The following HMCN1 variants were observed in gnomAD, a reference collection of about 807,000 sequenced individuals.
HMCN1 encodes the protein hemicentin-1.
Under a neutral mutation model 625.9 loss-of-function variants are expected in HMCN1, and 321 were observed. The ratio of observed to expected loss-of-function variants is 0.51; its 90% CI spans 0.47 to 0.56. The LOEUF is 0.56. HMCN1 is among the 20% of genes least tolerant of loss of function. The probability of loss-of-function intolerance (pLI) is 0.00; values close to 1 mark genes in which losing one functional copy is unlikely to be tolerated. For synonymous variants in HMCN1, 2,425 were observed against 2,417.6 expected (o/e 1.00, Z -0.09); for missense variants, 6,588 against 6,887.3 (o/e 0.96, Z 1.54).
intron 11 of HMCN1, among the ~76,000 whole-genome samples, chr1:185,949,372 A>T (rs902709362): frequency 6.6e-6 from 1 of 151,850 alleles, no homozygotes; most frequent in Non-Finnish European, 1.5e-5. Flanking sequence ...AGGAGCGTGT[A>T]TACAGGAGCT....
At chr1:185,892,563 C>G (rs2102414950) in intron 4 of HMCN1, among the ~76,000 whole-genome samples, 1 of 152,200 alleles carries the variant, frequency 6.6e-6, no homozygotes, top group Admixed American at 6.5e-5. Flanking sequence ...TGTTGGAGTA[C>G]CCAGCAGTGT....
At chr1:186,095,906 A>T (rs1042414127) in intron 68 of HMCN1, among the ~76,000 whole-genome samples, 10 of 152,162 alleles carry the variant, frequency 6.6e-5, no homozygotes, top group Non-Finnish European at 1.5e-4. Flanking sequence ...TCCAGTCTGT[A>T]CCTTATAGCT....
chr1:185,759,689 C>G (rs1444720083), intron 1 of HMCN1, among the ~76,000 whole-genome samples: 1 of 151,546 alleles, frequency 6.6e-6, no homozygotes, highest in African/African-American at 2.4e-5. Context: ...TACTACCTGG[C>G]AATAGTAGGA....
At chr1:186,044,724 A>G (rs1571769802) in intron 40 of HMCN1, among the ~76,000 whole-genome samples, 2 of 152,194 alleles carry the variant, frequency 1.3e-5, no homozygotes, top group East Asian at 3.9e-4. Context: ...AAAATGGCCA[A>G]GAAAATTCCC....
chr1:185,805,630 C>T (rs887545603), intron 1 of HMCN1, among the ~76,000 whole-genome samples: 22 of 152,112 alleles, frequency 1.4e-4, no homozygotes, highest in African/African-American at 4.8e-4. Flanking sequence ...AACATTTTAA[C>T]CATGTGATCT....
chr1:185,883,632 C>G (rs986603874), intron 4 of HMCN1, among the ~76,000 whole-genome samples: 1 of 151,924 alleles, frequency 6.6e-6, no homozygotes, highest in Non-Finnish European at 1.5e-5. Flanking sequence ...TTTGTTTATA[C>G]CACAATTTGT....
chr1:185,954,917 G>T (rs984088815), intron 11 of HMCN1, among the ~76,000 whole-genome samples: 1 of 152,228 alleles, frequency 6.6e-6, no homozygotes, highest in South Asian at 2.1e-4. Flanking sequence ...ATCAGTGGGT[G>T]CTTGGCATTG....
At chr1:185,906,390 A>G (rs1253621262) in intron 4 of HMCN1, among the ~76,000 whole-genome samples, 2 of 151,864 alleles carry the variant, frequency 1.3e-5, no homozygotes, top group African/African-American at 4.8e-5. Flanking sequence ...AGCCTCATAA[A>G]TGTTGGTGAA....
chr1:186,129,059 TCTCA>T lies in HMCN1; in HGVS notation c.12904+771_12904+774del, dbSNP rs553051189. ...ACTGCATTACCTTAATAACAATACA[TCTCA>T]CTAAGAAAAAACAGACACTAAAAAA... On this transcript the variant is annotated intron_variant, in intron 83 of 106. Coordinates refer to ENST00000271588, the MANE Select transcript of HMCN1 (RefSeq NM_031935.3). Among the ~76,000 whole-genome samples, 228 of 152,122 alleles carry T rather than the reference TCTCA, an allele frequency of 1.5e-3. 1 individual carries two copies. Among genetic ancestry groups the T allele is most frequent in the African/African-American group, 5.2e-3 (216 of 41,544 alleles).
At chr1:185,910,148 C>T (rs1203275262) in intron 5 of HMCN1, among the ~76,000 whole-genome samples, 1 of 151,870 alleles carries the variant, frequency 6.6e-6, no homozygotes, top group Non-Finnish European at 1.5e-5. Context: ...TATTTTTTAC[C>T]TAATATTTGC....
chr1:185,869,091 G>A (rs914442255), intron 4 of HMCN1, among the ~76,000 whole-genome samples: 5 of 152,136 alleles, frequency 3.3e-5, no homozygotes, highest in African/African-American at 1.2e-4. Context: ...TTGGGCTAAT[G>A]AGACCAAAGG....
chr1:185,960,988 A>G (rs1360160234), intron 11 of HMCN1, among the ~76,000 whole-genome samples: 1 of 152,090 alleles, frequency 6.6e-6, no homozygotes, highest in Non-Finnish European at 1.5e-5. Context: ...GACCTCACAC[A>G]TTTCTCTAGC....
Position 185,963,837 on chromosome 1 carries a change from T to C in HMCN1, c.2040T>C (p.Gly680=), listed in dbSNP as rs750668608. The change falls in exon 13 of 107, where the codon GGT becomes GGC. Residue 680 remains glycine (G), a synonymous_variant. Transcript: ENST00000271588. Reference sequence around the variant, plus strand: ...CTCCCAAAGATGCAGGGATCTATGGTTGCCTAGCAAGTAATTCAGCTGGAA... The same window carrying C: ...CTCCCAAAGATGCAGGGATCTATGGCTGCCTAGCAAGTAATTCAGCTGGAA... The part of the protein sequence containing the change: ...NAAPKDAGIY[G]CLASNSAGTD... 4 of 1,611,556 alleles carry C rather than the reference T, an allele frequency of 2.5e-6. No homozygotes were observed. Among genetic ancestry groups the C allele is most frequent in the Non-Finnish European group, 2.5e-6 (3 of 1,178,026 alleles).
chr1:186,073,670 A>T (rs1022412170), intron 52 of HMCN1, among the ~76,000 whole-genome samples: 1 of 152,108 alleles, frequency 6.6e-6, no homozygotes, highest in African/African-American at 2.4e-5. Flanking sequence ...TGAGAGTTTT[A>T]TACAAGGAAC....
chr1:185,830,712 C>A (rs1266105555), intron 1 of HMCN1, among the ~76,000 whole-genome samples: 1 of 151,868 alleles, frequency 6.6e-6, no homozygotes, highest in Non-Finnish European at 1.5e-5. Context: ...CATGGCAAGA[C>A]CCTGTCTCTA....
In HMCN1 at chr1:185,977,819, G is replaced by A. The variant is rs749420747; in HGVS notation, c.2404G>A (p.Val802Met). Residue 802 changes from valine to methionine, a missense_variant, in exon 16 of 107, where the codon GTG becomes ATG. Val to Met is a conservative substitution (Grantham distance 21, BLOSUM62 1). This residue lies in a region of HMCN1 where 4,628 missense variants were observed against 4,853.1 expected (regional missense o/e 0.95). Transcript: ENST00000271588. ...AGTTTTCATACAAGAACCTGCTGAT[G>A]TGTCTATGGAAATTGGCTCAAATGT... Reference protein sequence around the residue: ...PPVFIQEPADVSMEIGSNVTL... With the variant: ...PPVFIQEPADMSMEIGSNVTL... The A allele has an allele frequency of 2.0e-5, 33 of 1,613,056 alleles. No individual in the cohort carries two copies. Among genetic ancestry groups the A allele is most frequent in the Non-Finnish European group, 2.6e-5 (31 of 1,179,318 alleles).
intron 36 of HMCN1, among the ~76,000 whole-genome samples, chr1:186,027,808 TA>T (rs1336956433): frequency 6.6e-6 from 1 of 152,184 alleles, no homozygotes; most frequent in Non-Finnish European, 1.5e-5. Context: ...AGTTGTCTGG[TA>T]AAAACATTAG....
Position 186,055,424 on chromosome 1 carries a change from C to A in HMCN1, c.6894C>A (p.His2298Gln), listed in dbSNP as rs1395907131. 6.2e-7 allele frequency: 1 copy of A among 1,612,634 alleles called. No individual in the cohort carries two copies. Among genetic ancestry groups the A allele is most frequent in the Non-Finnish European group, 8.5e-7 (1 of 1,179,108 alleles). Residue 2298 changes from histidine to glutamine, a missense_variant, in exon 45 of 107, where the codon CAC becomes CAA. By Grantham distance (24) the His-to-Gln change is conservative. Around this residue, in one of 3 missense-constraint regions of HMCN1, gnomAD observed 4,628 missense variants for 4,853.1 expected, o/e 0.95. Coordinates refer to ENST00000271588, the MANE Select transcript of HMCN1 (RefSeq NM_031935.3). Reference protein sequence around the residue: ...IRPTITNSGSHPTEIIVTRGK... With the variant: ...IRPTITNSGSQPTEIIVTRGK... ...CAACCATAACCAACAGTGGCAGCCA[C>A]CCTACTGAAATTATTGTGACCCGAG... is the stretch of plus-strand genomic sequence containing the variant.
chr1:185,747,647 A>G (rs531493384), intron 1 of HMCN1, among the ~76,000 whole-genome samples: 2 of 152,274 alleles, frequency 1.3e-5, no homozygotes, highest in Admixed American at 6.5e-5. Context: ...GCATTTAATA[A>G]AGTCGTATTT....
Sources: gnomAD v4.1 joint callset for allele counts (sites outside exome capture counted in the v4.1 genomes callset) on GRCh38, gnomAD v4.1.1 for gene constraint, gnomAD v4.1.1 regional missense constraint, MANE v1.5 for transcripts, NCBI Gene and HGNC (gene_info 2026-07-23, HGNC 2026-07-21) for gene names.